WWOX: variants seen among roughly 807,000 people sequenced by gnomAD.
WWOX encodes the protein WW domain containing oxidoreductase, also known as WW domain-containing oxidoreductase.
Under a neutral mutation model 46.2 loss-of-function variants are expected in WWOX, and 69 were observed. That is an observed-to-expected ratio of 1.49 (90% CI 1.23 to 1.82). WWOX has a LOEUF of 1.82. Among genes scored for constraint, WWOX ranks in the 40% most tolerant of loss-of-function variants. The pLI is 0.00. For synonymous variants in WWOX, 359 were observed against 202.6 expected, an observed-to-expected ratio of 1.77 and a Z score of -6.56; for missense variants, 919 against 542.6, an observed-to-expected ratio of 1.69 and a Z score of -6.89.
intron 8 of WWOX, among the ~76,000 whole-genome samples, chr16:78,669,111 C>G (rs1260484122): frequency 6.6e-6 from 1 of 152,036 alleles, no homozygotes; most frequent in Non-Finnish European, 1.5e-5. Flanking sequence ...GCCAAAACCA[C>G]CTCCGTTGCT....
intron 8 of WWOX, among the ~76,000 whole-genome samples, chr16:78,763,004 T>A (rs576676582): frequency 2.0e-5 from 3 of 152,264 alleles, no homozygotes; most frequent in African/African-American, 7.2e-5. Flanking sequence ...GCAATAGATC[T>A]CCATATGCAG....
Position 78,493,420 on chromosome 16 carries a change from T to C in WWOX, c.1056+60668T>C, listed in dbSNP as rs932315747. Among the ~76,000 whole-genome samples, 5 of 152,186 alleles carry C rather than the reference T, an allele frequency of 3.3e-5. 1 individual carries two copies. ...TTATGCACACAAAGCTTTGGGAACA[T>C]ATCAGTCACATCAAGCTAGGTCCAC... On this transcript the variant is annotated intron_variant, in intron 8 of 8. Coordinates refer to ENST00000566780, the MANE Select transcript of WWOX (RefSeq NM_016373.4).
At chr16:78,500,750 C>G (rs548322693) in intron 8 of WWOX, among the ~76,000 whole-genome samples, 1 of 152,100 alleles carries the variant, frequency 6.6e-6, no homozygotes, top group Non-Finnish European at 1.5e-5. Context: ...TCATTTAATT[C>G]GAAAGCTTTT....
At chr16:78,751,935 C>A (rs116339192) in intron 8 of WWOX, among the ~76,000 whole-genome samples, 1 of 152,126 alleles carries the variant, frequency 6.6e-6, no homozygotes, top group Non-Finnish European at 1.5e-5. Context: ...CCAACTGTGT[C>A]TTTCTTCTGG....
chr16:78,725,339 CTTTTCT>C (rs2048801187), intron 8 of WWOX, among the ~76,000 whole-genome samples: 4 of 86,784 alleles, frequency 4.6e-5, no homozygotes, highest in African/African-American at 2.0e-4. Context: ...CTTTTCTTTT[CTTTTCT>C]TTTTTTTTTT....
At chr16:78,832,696 A>G (rs2051865134) in intron 8 of WWOX, among the ~76,000 whole-genome samples, 1 of 151,992 alleles carries the variant, frequency 6.6e-6, no homozygotes, top group African/African-American at 2.4e-5. Context: ...CTCAGGAGGG[A>G]TTGTGATTAA....
intron 8 of WWOX, among the ~76,000 whole-genome samples, chr16:78,473,513 A>G (rs188108279): frequency 3.2e-4 from 48 of 152,312 alleles, no homozygotes; most frequent in African/African-American, 1.1e-3. Flanking sequence ...ATATTGACCG[A>G]CTGGCCCTCT....
chr16:78,271,847 C>T (rs188748106), intron 5 of WWOX, among the ~76,000 whole-genome samples: 9 of 152,302 alleles, frequency 5.9e-5, no homozygotes, highest in Admixed American at 5.9e-4. Flanking sequence ...TGGTAGCAGT[C>T]ACACAGCCCA....
intron 5 of WWOX, among the ~76,000 whole-genome samples, chr16:78,379,844 C>T (rs1028344428): frequency 1.3e-5 from 2 of 152,132 alleles, no homozygotes; most frequent in African/African-American, 4.8e-5. Flanking sequence ...GTTCTAAAGG[C>T]CTGTTGCCTT....
intron 8 of WWOX, chr16:78,825,950 C>T (rs1478752971): frequency 1.6e-5 from 13 of 798,798 alleles, no homozygotes; most frequent in Non-Finnish European, 2.6e-5. Context: ...CATCTCAGAA[C>T]AGAAGGGTGG....
At chr16:78,116,619 A>G (rs977366717) in intron 4 of WWOX, among the ~76,000 whole-genome samples, 4 of 152,186 alleles carry the variant, frequency 2.6e-5, no homozygotes, top group Admixed American at 1.3e-4. Context: ...GTCAAAACTG[A>G]TGGCGTAATA....
chr16:78,698,548 A>G (rs2048147548), intron 8 of WWOX, among the ~76,000 whole-genome samples: 1 of 152,174 alleles, frequency 6.6e-6, no homozygotes, highest in Non-Finnish European at 1.5e-5. Context: ...GTTTCATCTC[A>G]TTTTTGAATT....
rs185331899 is a variant in WWOX at position 78,241,405 on chromosome 16, T to G, written c.516+77116T>G. 4.6e-5 allele frequency among the ~76,000 whole-genome samples: 7 copies of G among 152,252 alleles called. No homozygotes were observed. In the East Asian group the frequency reaches 1.4e-3, roughly 29 times the overall value. ...GCCTTGATGGTGATGATGATTGTGG[T>G]TGCTGTTGCTATTTGTTTTTTTGGT... On this transcript the variant is annotated intron_variant, in intron 5 of 8. Transcript: ENST00000566780.
chr16:78,465,829 A>G (rs2084062681), intron 8 of WWOX, among the ~76,000 whole-genome samples: 1 of 152,122 alleles, frequency 6.6e-6, no homozygotes, highest in South Asian at 2.1e-4. Flanking sequence ...TACAGTCTGA[A>G]TTGCATTCTG....
intron 5 of WWOX, among the ~76,000 whole-genome samples, chr16:78,329,714 T>C (rs1212798702): frequency 2.0e-5 from 3 of 152,112 alleles, no homozygotes; most frequent in Admixed American, 1.3e-4. Context: ...GAGGTCTGTT[T>C]TATGTTTTAT....
At chr16:78,727,929 C>T (rs1029252279) in intron 8 of WWOX, among the ~76,000 whole-genome samples, 1 of 151,976 alleles carries the variant, frequency 6.6e-6, no homozygotes, top group Non-Finnish European at 1.5e-5. Flanking sequence ...GTCATTTTTA[C>T]TGATATTTAT....
intron 8 of WWOX, among the ~76,000 whole-genome samples, chr16:78,609,576 C>G (rs1303672627): frequency 1.3e-5 from 2 of 151,338 alleles, no homozygotes; most frequent in South Asian, 4.2e-4. Flanking sequence ...TCCTCATACC[C>G]CTCCTAGGAG....
At chr16:78,272,516 G>C (rs1432015092) in intron 5 of WWOX, among the ~76,000 whole-genome samples, 1 of 152,186 alleles carries the variant, frequency 6.6e-6, no homozygotes, top group Non-Finnish European at 1.5e-5. Context: ...TCAGATTCAA[G>C]GGGAGCAGAC....
intron 8 of WWOX, among the ~76,000 whole-genome samples, chr16:78,827,704 G>T (rs1363280498): frequency 2.6e-5 from 4 of 151,988 alleles, no homozygotes; most frequent in African/African-American, 9.7e-5. Flanking sequence ...AGCCAGGCAT[G>T]GTGGTGCATG....
Sources: gnomAD v4.1 joint callset for allele counts (sites outside exome capture counted in the v4.1 genomes callset) on GRCh38, gnomAD v4.1.1 for gene constraint, MANE v1.5 for transcripts, NCBI Gene and HGNC (gene_info 2026-07-23, HGNC 2026-07-21) for gene names.